FRMD4B: variants seen among roughly 807,000 people sequenced by gnomAD.
FRMD4B encodes the protein FERM domain containing 4B.
In FRMD4B, 74 loss-of-function variants were observed where a neutral mutation model predicts 141.5. The ratio of observed to expected loss-of-function variants is 0.52; its 90% CI spans 0.43 to 0.63. FRMD4B has a LOEUF of 0.63. FRMD4B is among the 30% of genes least tolerant of loss of function. The pLI, the probability that FRMD4B is intolerant of heterozygous loss-of-function variation, is 0.00. For synonymous variants in FRMD4B, 506 were observed against 467.9 expected, an observed-to-expected ratio of 1.08 and a Z score of -1.05; for missense variants, 1,366 against 1,253.4, an observed-to-expected ratio of 1.09 and a Z score of -1.36.
At chr3:69,392,705 C>G (rs1223449929) in intron 2 of FRMD4B, among the ~76,000 whole-genome samples, 1 of 152,086 alleles carries the variant, frequency 6.6e-6, no homozygotes, top group African/African-American at 2.4e-5. Flanking sequence ...GTGCCACCCT[C>G]AAAGCAAGCT....
intron 1 of FRMD4B, among the ~76,000 whole-genome samples, chr3:69,501,113 G>GTA (rs1447223325): frequency 6.6e-6 from 1 of 151,964 alleles, no homozygotes; most frequent in African/African-American, 2.4e-5. Flanking sequence ...ATTTATTAAT[G>GTA]TATAAATTGT....
intron 5 of FRMD4B, among the ~76,000 whole-genome samples, chr3:69,261,626 G>C (rs538397636): frequency 1.7e-4 from 26 of 152,150 alleles, no homozygotes; most frequent in Non-Finnish European, 1.2e-4. Context: ...TGGACTCTAA[G>C]TTGGTATTGT....
At chr3:69,325,917 A>G (rs2107307460) in intron 1 of FRMD4B, among the ~76,000 whole-genome samples, 1 of 152,200 alleles carries the variant, frequency 6.6e-6, no homozygotes, top group East Asian at 1.9e-4. Flanking sequence ...GGTTATTTTA[A>G]TTTGCTTAAG....
intron 2 of FRMD4B, among the ~76,000 whole-genome samples, chr3:69,415,613 G>C (rs1300021898): frequency 6.6e-6 from 1 of 152,214 alleles, no homozygotes; most frequent in Non-Finnish European, 1.5e-5. Context: ...TCATGTCCAG[G>C]AGGAAGCTGT....
chr3:69,486,865 C>T (rs576694383), intron 1 of FRMD4B, among the ~76,000 whole-genome samples: 43 of 152,256 alleles, frequency 2.8e-4, no homozygotes, highest in African/African-American at 1.0e-3. Flanking sequence ...GCCTCTGACT[C>T]TGTGAAGATA....
At chr3:69,514,319 T>C (rs1250502617) in intron 1 of FRMD4B, among the ~76,000 whole-genome samples, 1 of 151,736 alleles carries the variant, frequency 6.6e-6, no homozygotes, top group East Asian at 1.9e-4. Context: ...TCAAAAAGAA[T>C]AAAATATTTA....
At chr3:69,227,156 C>T (rs2093262647) in intron 7 of FRMD4B, among the ~76,000 whole-genome samples, 1 of 152,072 alleles carries the variant, frequency 6.6e-6, no homozygotes, top group African/African-American at 2.4e-5. Context: ...AGAATCTACT[C>T]CAGTTATAAG....
chr3:69,295,322 A>T lies in FRMD4B; in HGVS notation c.416+7021T>A, dbSNP rs144964786. 3.3e-3 allele frequency among the ~76,000 whole-genome samples: 507 copies of T among 151,944 alleles called. 3 individuals carry two copies. Among genetic ancestry groups the T allele is most frequent in the South Asian group, 0.013 (61 of 4,792 alleles). ...ATTATTTGACTGTCAGCACTTGGGG[A>T]GTGTTATTGTTTATTTTGAGACAGG... On this transcript the variant is annotated intron_variant, in intron 4 of 22. Coordinates refer to ENST00000398540, the MANE Select transcript of FRMD4B (RefSeq NM_015123.3).
intron 4 of FRMD4B, among the ~76,000 whole-genome samples, chr3:69,298,495 G>A (rs1701106706): frequency 1.3e-5 from 2 of 152,156 alleles, no homozygotes. Flanking sequence ...AATTGGTTAT[G>A]CTCTCAAGCT....
intron 5 of FRMD4B, among the ~76,000 whole-genome samples, chr3:69,271,380 G>C (rs1298047078): frequency 2.0e-5 from 3 of 152,064 alleles, no homozygotes; most frequent in African/African-American, 7.2e-5. Flanking sequence ...GTACATCTTT[G>C]GGCCTCAGTT....
intron 1 of FRMD4B, among the ~76,000 whole-genome samples, chr3:69,332,706 A>G (rs1300768594): frequency 6.7e-6 from 1 of 148,384 alleles, no homozygotes; most frequent in Non-Finnish European, 1.5e-5. Flanking sequence ...CTTCCCGAGT[A>G]GCTAGGACTA....
At chr3:69,502,755 G>T (rs1330853776) in intron 1 of FRMD4B, among the ~76,000 whole-genome samples, 1 of 150,168 alleles carries the variant, frequency 6.7e-6, no homozygotes, top group Non-Finnish European at 1.5e-5. Flanking sequence ...GCAACTTACA[G>T]AATGGGAGAA....
intron 8 of FRMD4B, among the ~76,000 whole-genome samples, chr3:69,223,927 A>G (rs905617741): frequency 6.6e-6 from 1 of 152,226 alleles, no homozygotes; most frequent in Non-Finnish European, 1.5e-5. Context: ...ACTTACTTTC[A>G]CTATATATTT....
Position 69,181,079 on chromosome 3 carries a change from G to A in FRMD4B, c.2671C>T (p.His891Tyr), listed in dbSNP as rs747478566. The change falls in exon 21 of 23, where the codon CAC becomes TAC. Residue 891 changes from histidine (H) to tyrosine (Y), a missense_variant. Transcript: ENST00000398540. The stretch of plus-strand genomic sequence containing the variant: ...AAGTGCTCGGCAACTAAGGCCTTGT[G>A]GATGTTTTTGGTGATGTGCTCCGAT... ...AKSEHITKNI[H>Y]KALVAEHLRG... is the part of the protein sequence containing the mutation. The A allele has an allele frequency of 1.2e-5, 20 of 1,613,852 alleles. No individual in the cohort carries two copies. The highest frequency in any genetic ancestry group is 1.6e-5 in the Non-Finnish European group (19 of 1,179,902).
chr3:69,269,089 C>T (rs893740531), intron 5 of FRMD4B, among the ~76,000 whole-genome samples: 12 of 151,388 alleles, frequency 7.9e-5, no homozygotes, highest in East Asian at 1.9e-4. Flanking sequence ...CCACCACACC[C>T]GGCTAATTTT....
intron 7 of FRMD4B, among the ~76,000 whole-genome samples, chr3:69,246,133 G>T (rs1364887007): frequency 6.6e-6 from 1 of 152,108 alleles, no homozygotes; most frequent in Non-Finnish European, 1.5e-5. Flanking sequence ...CACTGTGCTC[G>T]GCACCCGGCG....
chr3:69,295,558 C>T (rs943917647), intron 4 of FRMD4B, among the ~76,000 whole-genome samples: 1 of 152,082 alleles, frequency 6.6e-6, no homozygotes, highest in Non-Finnish European at 1.5e-5. Flanking sequence ...GACTCAAGTG[C>T]TCCACCTGCC....
chr3:69,524,341 T>C (rs562135961), intron 1 of FRMD4B, among the ~76,000 whole-genome samples: 2 of 152,380 alleles, frequency 1.3e-5, no homozygotes, highest in African/African-American at 4.8e-5. Context: ...TTTCTTACTC[T>C]ATGTCACCCA....
In FRMD4B at chr3:69,478,730, G is replaced by A. The variant is rs575449812; in HGVS notation, c.-128-45969C>T. ...TAGATGTCTATTAGGTCTGCTTGGT[G>A]CAGAGCTGAGTTCAATTCCTGGGTA... On this transcript the variant is annotated intron_variant, in intron 1 of 5. Transcript: ENST00000459638. 2.6e-3 allele frequency among the ~76,000 whole-genome samples: 402 copies of A among 152,264 alleles called. 1 individual carries two copies. The highest frequency in any genetic ancestry group is 3.7e-3 in the Non-Finnish European group (252 of 68,030).
Sources: gnomAD v4.1 joint callset for allele counts (sites outside exome capture counted in the v4.1 genomes callset) on GRCh38, gnomAD v4.1.1 for gene constraint, MANE v1.5 for transcripts, NCBI Gene and HGNC (gene_info 2026-07-23, HGNC 2026-07-21) for gene names.